Variants in CNOT11 observed in about 807,000 individuals in gnomAD.
CNOT11 encodes UPF0760 protein C2orf29.
In CNOT11, 18 loss-of-function variants were observed where a neutral mutation model predicts 44.6. That is an observed-to-expected ratio of 0.40 (90% CI 0.28 to 0.60). The LOEUF (loss-of-function observed/expected upper bound fraction) is 0.60. Among genes scored for constraint, CNOT11 ranks in the 20% least tolerant of loss-of-function variants. The probability of loss-of-function intolerance (pLI) is 0.38; values close to 1 mark genes in which losing one functional copy is unlikely to be tolerated. For missense variants in CNOT11, 513 were observed against 677.0 expected, an observed-to-expected ratio of 0.76 and a Z score of 2.69; for synonymous variants, 291 against 270.9, an observed-to-expected ratio of 1.07 and a Z score of -0.73.
Position 101,255,218 on chromosome 2 carries a change from G to C in CNOT11, c.514+1740G>C, listed in dbSNP as rs1681710992. Among the ~76,000 whole-genome samples the C allele has an allele frequency of 2.0e-5, 3 of 152,070 alleles. No homozygotes were observed. The South Asian group carries it at 6.2e-4, about 32-fold the overall frequency. On this transcript the variant is annotated intron_variant, in intron 1 of 6. Transcript: ENST00000289382. Reference sequence around the variant, plus strand: ...GAATAAAAGTACCTGTGAGTGGGCTGGGCGCGGTGGCTCACGCCTGTAATC... The same window carrying C: ...GAATAAAAGTACCTGTGAGTGGGCTCGGCGCGGTGGCTCACGCCTGTAATC...
Position 101,269,416 on chromosome 2 carries a change from C to A in CNOT11, c.*3C>A. ...CTGAGACCAAAATGTCAAAATAATA[C>A]CTCATCAGAACCATCCCATCCATTC... On this transcript the variant is annotated 3_prime_UTR_variant, in exon 7 of 7. Coordinates refer to ENST00000289382, the MANE Select transcript of CNOT11 (RefSeq NM_017546.5). The surrounding 1 kb of genome is among the most constrained non-coding windows in gnomAD (Gnocchi z 4.8). 2 of 1,612,672 alleles carry A rather than the reference C, an allele frequency of 1.2e-6. No homozygotes were observed. The highest frequency in any genetic ancestry group is 1.7e-6 in the Non-Finnish European group (2 of 1,178,806).
At chr2:101,263,352 C>T (rs1326878100) in intron 3 of CNOT11, among the ~76,000 whole-genome samples, 2 of 152,020 alleles carry the variant, frequency 1.3e-5, no homozygotes, top group African/African-American at 4.8e-5. Context: ...TTCTTATAAA[C>T]TCCTAATTTA....
Position 101,264,825 on chromosome 2 carries a change from T to C in CNOT11, c.833-20T>C, listed in dbSNP as rs1381421880. ...ATGTTAGCTTCCTGATAGGAGCAAC[T>C]ATCACGGCTCTCATTACAGGCCATT... is the stretch of plus-strand genomic sequence containing the variant. On this transcript the variant is annotated intron_variant, in intron 3 of 6. Coordinates refer to ENST00000289382, the MANE Select transcript of CNOT11 (RefSeq NM_017546.5). The C allele has an allele frequency of 6.2e-7, 1 of 1,605,934 alleles. No homozygotes were observed. The highest frequency in any genetic ancestry group is 1.3e-5 in the African/African-American group (1 of 74,848).
chr2:101,264,143 G>A (rs1405392436), intron 3 of CNOT11, among the ~76,000 whole-genome samples: 2 of 152,232 alleles, frequency 1.3e-5, no homozygotes, highest in Non-Finnish European at 2.9e-5. Flanking sequence ...AACTATGTGA[G>A]ATGTGAAATT....
In CNOT11 at chr2:101,253,382, C is replaced by T; in HGVS notation, c.418C>T (p.Leu140=). 1 of 1,593,272 alleles carries T rather than the reference C, an allele frequency of 6.3e-7. No individual in the cohort carries two copies. ...LLWEMYRTEP[L]AANPFAASFA... is the part of the protein sequence containing the mutation. ...CTGGGAGATGTACCGCACCGAGCCG[C>T]TGGCCGCCAACCCCTTCGCCGCCAG... is the stretch of plus-strand genomic sequence containing the variant. Residue 140 remains leucine (L), a synonymous_variant, in exon 1 of 7, where the codon CTG becomes TTG. Transcript: ENST00000289382. This position sits in a 1 kb window ranked among gnomAD's most constrained non-coding sequence, Gnocchi z 4.3.
intron 2 of CNOT11, among the ~76,000 whole-genome samples, chr2:101,259,985 G>A (rs571168629): frequency 2.0e-5 from 3 of 152,192 alleles, no homozygotes; most frequent in African/African-American, 7.2e-5. Flanking sequence ...AGAGGTCAAC[G>A]CTACAATAAG....
chr2:101,261,498 C>T (rs901185552), intron 2 of CNOT11, among the ~76,000 whole-genome samples: 1 of 152,154 alleles, frequency 6.6e-6, no homozygotes, highest in Non-Finnish European at 1.5e-5. Context: ...AACATTCTTG[C>T]ACATTATTCT....
chr2:101,268,843 C>G (rs909472487), intron 5 of CNOT11, among the ~76,000 whole-genome samples, 197 bp from the exon 6 acceptor site: 1 of 152,066 alleles, frequency 6.6e-6, no homozygotes, highest in African/African-American at 2.4e-5. Context: ...TAAGTAGAGA[C>G]ATTTTAAACA....
intron 1 of CNOT11, 55 bp from the exon 2 acceptor site, chr2:101,257,736 A>C: frequency 6.9e-7 from 1 of 1,455,362 alleles, no homozygotes; most frequent in Non-Finnish European, 9.5e-7. Flanking sequence ...TACCAGATTC[A>C]AGTTGATTTT....
rs371207813 is a variant in CNOT11, at chr2:101,255,629, G to A, written c.514+2151G>A. 1.6e-4 allele frequency among the ~76,000 whole-genome samples: 25 copies of A among 152,312 alleles called. No individual in the cohort carries two copies. The East Asian group carries it at 4.2e-3, about 26-fold the overall frequency. Reference sequence around the variant, plus strand: ...ACTCCCAGAGCTGCTGATATTGTATGTTTAGGGTAAGACATTTAGTGGGTA... The same window carrying A: ...ACTCCCAGAGCTGCTGATATTGTATATTTAGGGTAAGACATTTAGTGGGTA... On this transcript the variant is annotated intron_variant, in intron 1 of 6. Coordinates refer to ENST00000289382, the MANE Select transcript of CNOT11 (RefSeq NM_017546.5).
chr2:101,265,855 G>A (rs1349332641), intron 4 of CNOT11, among the ~76,000 whole-genome samples: 1 of 152,162 alleles, frequency 6.6e-6, no homozygotes, highest in African/African-American at 2.4e-5. Flanking sequence ...GGAAAGGCAA[G>A]GCCACTCTTC....
intron 4 of CNOT11, among the ~76,000 whole-genome samples, chr2:101,266,012 A>G (rs1681973149): frequency 6.6e-6 from 1 of 152,240 alleles, no homozygotes; most frequent in Non-Finnish European, 1.5e-5. Flanking sequence ...TCGCAAGACC[A>G]TCCTGAAAAC....
At chr2:101,263,512 A>G (rs1470814297) in intron 3 of CNOT11, among the ~76,000 whole-genome samples, 1 of 152,150 alleles carries the variant, frequency 6.6e-6, no homozygotes, top group African/African-American at 2.4e-5. Flanking sequence ...ACTCCCACAT[A>G]GTTGGAATTA....
chr2:101,253,572 C>T lies in CNOT11; in HGVS notation c.514+94C>T. On this transcript the variant is annotated intron_variant, in intron 1 of 6. Transcript: ENST00000289382. The surrounding 1 kb of genome is among the most constrained non-coding windows in gnomAD (Gnocchi z 4.3). Reference sequence around the variant, plus strand: ...GGAACTCACCTGAAAGGGAAATTAACTATCCCTGTGAAATGATCATCCTCT... The same window carrying T: ...GGAACTCACCTGAAAGGGAAATTAATTATCCCTGTGAAATGATCATCCTCT... 2 of 1,112,352 alleles carry T rather than the reference C, an allele frequency of 1.8e-6. No individual in the cohort carries two copies. Among genetic ancestry groups the T allele is most frequent in the Non-Finnish European group, 2.4e-6 (2 of 827,744 alleles). The allele number at this position is 1,112,352 out of a possible 1,614,324, so 68.9% of individuals were successfully genotyped here.
At position 101,269,285 on chromosome 2, in the gene CNOT11, G is replaced by C. The variant is rs1230025092; in HGVS notation, c.1405G>C (p.Asp469His). The change falls in exon 7 of 7, where the codon GAT becomes CAT. Residue 469 changes from aspartate (D) to histidine (H), a missense_variant. Around this residue, in one of 4 missense-constraint regions of CNOT11, gnomAD observed 87 missense variants for 185.4 expected, o/e 0.47. Transcript: ENST00000289382. The surrounding 1 kb of genome is among the most constrained non-coding windows in gnomAD (Gnocchi z 4.8). ...LIRNKIINVQ[D>H]LFIEVQAFCI... ...CCGTAACAAAATTATTAATGTACAG[G>C]ATTTGTTTATAGAAGTGCAGGCATT... The C allele has an allele frequency of 1.2e-6, 2 of 1,613,894 alleles. No individual in the cohort carries two copies. Among genetic ancestry groups the C allele is most frequent in the East Asian group, 2.2e-5 (1 of 44,858 alleles).
At chr2:101,262,031 G>T (rs1023798330) in intron 2 of CNOT11, among the ~76,000 whole-genome samples, 2 of 151,796 alleles carry the variant, frequency 1.3e-5, no homozygotes, top group Non-Finnish European at 2.9e-5. Context: ...TATTTTTTTA[G>T]TAGAGACAGG....
chr2:101,261,844 CTTTTTTTT>C (rs3044629), intron 2 of CNOT11, among the ~76,000 whole-genome samples: 6 of 111,854 alleles, frequency 5.4e-5, no homozygotes, highest in Admixed American at 4.2e-4. Context: ...TTCTTTCTTT[CTTTTTTTT>C]TTTTTTTTTT....
rs556503784 is a variant in CNOT11 at position 101,257,513 on chromosome 2, C to T, written c.515-278C>T. 1.8e-4 allele frequency among the ~76,000 whole-genome samples: 28 copies of T among 152,142 alleles called. No individual in the cohort carries two copies. The South Asian group carries it at 3.5e-3, about 19-fold the overall frequency. Reference sequence around the variant, plus strand: ...CTAAAGAAAACCTGTCTTTGACTGCCAGGCTGCGTTTTGTGTTTCTTTCCT... The same window carrying T: ...CTAAAGAAAACCTGTCTTTGACTGCTAGGCTGCGTTTTGTGTTTCTTTCCT... On this transcript the variant is annotated intron_variant, in intron 1 of 6. Coordinates refer to ENST00000289382, the MANE Select transcript of CNOT11 (RefSeq NM_017546.5).
chr2:101,269,143 T>A lies in CNOT11; in HGVS notation c.1335+7T>A. The A allele has an allele frequency of 6.3e-7, 1 of 1,594,514 alleles. No homozygotes were observed. Among genetic ancestry groups the A allele is most frequent in the Non-Finnish European group, 8.6e-7 (1 of 1,169,014 alleles). On this transcript the variant is annotated splice_region_variant and intron_variant, in intron 6 of 6. Transcript: ENST00000289382. The surrounding 1 kb of genome is among the most constrained non-coding windows in gnomAD (Gnocchi z 4.8). ...TAAGGATAAATATATGCAGGTAATA[T>A]AAATTTTTGTAAATTTTATAAATGG...
Sources: gnomAD v4.1 joint callset for allele counts (sites outside exome capture counted in the v4.1 genomes callset) on GRCh38, gnomAD v4.1.1 for gene constraint, gnomAD v4.1.1 regional missense constraint, Gnocchi (gnomAD v3.1) non-coding constraint, MANE v1.5 for transcripts, NCBI Gene and HGNC (gene_info 2026-07-23, HGNC 2026-07-21) for gene names.